RALGAPA2: variants seen among roughly 807,000 people sequenced by gnomAD.
RALGAPA2 encodes Ral GTPase activating protein catalytic subunit alpha 2.
A neutral mutation model predicts 230.4 loss-of-function variants in RALGAPA2; 139 were observed. The observed-to-expected ratio is 0.60, with a 90% CI of 0.53 to 0.69. RALGAPA2 has a LOEUF of 0.69. RALGAPA2 is among the 30% of genes least tolerant of loss of function. The probability of loss-of-function intolerance (pLI) is 0.00; values close to 1 mark genes in which losing one functional copy is unlikely to be tolerated. For missense variants in RALGAPA2, 2,163 were observed against 2,276.0 expected (o/e 0.95, Z 1.01); for synonymous variants, 847 against 837.8 (o/e 1.01, Z -0.19).
intron 38 of RALGAPA2, among the ~76,000 whole-genome samples, chr20:20,401,332 G>A (rs2059831651): frequency 6.6e-6 from 1 of 152,116 alleles, no homozygotes; most frequent in African/African-American, 2.4e-5. Context: ...AGGCAAGCAG[G>A]GGAATGAGGG....
At chr20:20,583,657 A>G (rs887239186) in intron 19 of RALGAPA2, among the ~76,000 whole-genome samples, 11 of 152,184 alleles carry the variant, frequency 7.2e-5, no homozygotes, top group Non-Finnish European at 7.3e-5. Context: ...CAAGCCTGAC[A>G]GGTAGACGTA....
chr20:20,618,713 G>A (rs2066228812), intron 12 of RALGAPA2, among the ~76,000 whole-genome samples: 1 of 152,152 alleles, frequency 6.6e-6, no homozygotes. Flanking sequence ...AGATCTGAGA[G>A]GAAATCTCCC....
chr20:20,398,384 G>A lies in RALGAPA2; in HGVS notation c.5618-1650C>T, dbSNP rs544802015. Among the ~76,000 whole-genome samples, 1 of 152,326 alleles carries A rather than the reference G, an allele frequency of 6.6e-6. No homozygotes were observed. Among genetic ancestry groups the A allele is most frequent in the African/African-American group, 2.4e-5 (1 of 41,572 alleles). ...GCCCCTCTCCTGTGCATCCCCAGAC[G>A]CAGCCTGGTGTGGTGTGCTGGACCA... is the stretch of plus-strand genomic sequence containing the variant. On this transcript the variant is annotated intron_variant, in intron 38 of 39. Transcript: ENST00000202677. The surrounding 1 kb of genome is among the most constrained non-coding windows in gnomAD (Gnocchi z 4.5).
At chr20:20,522,412 T>C (rs1036272028) in intron 30 of RALGAPA2, among the ~76,000 whole-genome samples, 4 of 152,200 alleles carry the variant, frequency 2.6e-5, no homozygotes, top group Non-Finnish European at 5.9e-5. Context: ...CACAACGGTT[T>C]GAATAAATCA....
intron 1 of RALGAPA2, among the ~76,000 whole-genome samples, chr20:20,695,649 G>C (rs922540570): frequency 2.0e-5 from 3 of 152,168 alleles, no homozygotes; most frequent in African/African-American, 7.2e-5. Context: ...TTGTCCTCCT[G>C]TATGTAGCTA....
chr20:20,662,073 G>C (rs1191224418), intron 3 of RALGAPA2, among the ~76,000 whole-genome samples: 1 of 152,044 alleles, frequency 6.6e-6, no homozygotes. Flanking sequence ...AGTATAATAC[G>C]GAAGACTTGA....
In RALGAPA2 at chr20:20,437,692, G is replaced by A. The variant is rs1455806016; in HGVS notation, c.5496-25544C>T. ...CCTTCAGGTCTTTGCTCAAATGCCAGCTTTTCTCAGGAGGCACTGTGATCC... is the reference window on the plus strand; with the variant it reads ...CCTTCAGGTCTTTGCTCAAATGCCAACTTTTCTCAGGAGGCACTGTGATCC... On this transcript the variant is annotated intron_variant, in intron 37 of 39. Transcript: ENST00000202677. The surrounding 1 kb of genome is among the most constrained non-coding windows in gnomAD (Gnocchi z 4.1). Among the ~76,000 whole-genome samples, 2 of 152,186 alleles carry A rather than the reference G, an allele frequency of 1.3e-5. No individual in the cohort carries two copies. The highest frequency in any genetic ancestry group is 4.8e-5 in the African/African-American group (2 of 41,446).
intron 1 of RALGAPA2, among the ~76,000 whole-genome samples, chr20:20,683,567 C>G (rs1020822093): frequency 1.3e-5 from 2 of 152,156 alleles, no homozygotes; most frequent in African/African-American, 4.8e-5. Flanking sequence ...GGATGCTACC[C>G]CCACTCCCAG....
intron 37 of RALGAPA2, among the ~76,000 whole-genome samples, chr20:20,450,135 C>A (rs777441160): frequency 3.9e-5 from 6 of 152,154 alleles, no homozygotes; most frequent in Non-Finnish European, 7.4e-5. Flanking sequence ...AAATAAATAT[C>A]TTGCTAGCAA....
intron 30 of RALGAPA2, among the ~76,000 whole-genome samples, 177 bp from the exon 31 acceptor site, chr20:20,521,277 T>A (rs2063033329): frequency 6.6e-6 from 1 of 152,172 alleles, no homozygotes; most frequent in South Asian, 2.1e-4. Flanking sequence ...TCCTTTCATA[T>A]CAATGCCAAG....
chr20:20,629,304 C>T, intron 10 of RALGAPA2, 59 bp downstream of exon 10: 1 of 1,384,860 alleles, frequency 7.2e-7, no homozygotes, highest in Non-Finnish European at 1.0e-6. Context: ...AAATCATTTC[C>T]ATTTCAAGAA....
intron 2 of RALGAPA2, among the ~76,000 whole-genome samples, chr20:20,680,228 T>C (rs1345435891): frequency 6.6e-6 from 1 of 152,348 alleles, no homozygotes; most frequent in East Asian, 1.9e-4. Flanking sequence ...TGTGACCTTG[T>C]TGGTTTGATT....
In RALGAPA2 at chr20:20,510,243, C is replaced by G. The variant is rs143633938; in HGVS notation, c.4928+1011G>C. 5.3e-3 allele frequency among the ~76,000 whole-genome samples: 804 copies of G among 152,222 alleles called. 6 individuals are homozygous for G. The highest frequency in any genetic ancestry group is 0.018 in the African/African-American group (767 of 41,526). On this transcript the variant is annotated intron_variant, in intron 33 of 39. Transcript: ENST00000202677. ...AGGATTTAATGAATGGAATAAAGAGCTCTAGTAATTTTCTGAAATTCTAAG... is the reference window on the plus strand; with the variant it reads ...AGGATTTAATGAATGGAATAAAGAGGTCTAGTAATTTTCTGAAATTCTAAG...
At chr20:20,624,328 C>CAA (rs748683871) in intron 10 of RALGAPA2, among the ~76,000 whole-genome samples, 4,296 of 48,928 alleles carry the variant, frequency 0.088, 129 homozygotes, top group East Asian at 0.23. Flanking sequence ...ACTCCATCTC[C>CAA]AAAAAAAAAA....
chr20:20,408,158 A>G (rs965634964), intron 38 of RALGAPA2, among the ~76,000 whole-genome samples: 2 of 152,238 alleles, frequency 1.3e-5, no homozygotes, highest in Non-Finnish European at 2.9e-5. Context: ...TTCAGCAAAC[A>G]CAAGTCAGTT....
intron 18 of RALGAPA2, among the ~76,000 whole-genome samples, chr20:20,587,053 A>G (rs1377363680): frequency 6.6e-6 from 1 of 152,194 alleles, no homozygotes; most frequent in African/African-American, 2.4e-5. Context: ...GAAGACAAGC[A>G]CTTACAGATG....
chr20:20,646,415 T>C (rs145122664), intron 4 of RALGAPA2, among the ~76,000 whole-genome samples: 2 of 152,310 alleles, frequency 1.3e-5, no homozygotes, highest in South Asian at 2.1e-4. Context: ...AATTTTTAAG[T>C]TCCTCTATAT....
rs773922641 is a variant in RALGAPA2 at position 20,629,472 on chromosome 20, G to C, written c.1124C>G (p.Ser375Cys). 3.7e-6 allele frequency: 6 copies of C among 1,613,812 alleles called. No individual in the cohort carries two copies. In the African/African-American group the frequency reaches 8.0e-5, roughly 22 times the overall value. Residue 375 changes from serine (S) to cysteine (C), a missense_variant, in exon 10 of 40, where the codon TCC (serine) becomes TGC (cysteine). Physicochemically the swap from Ser to Cys is moderately radical, Grantham distance 112. Coordinates refer to ENST00000202677, the MANE Select transcript of RALGAPA2 (RefSeq NM_020343.4). ...STLSDRRLSN[S>C]SLCSIEEEHR... ...CTCTTCTTCAATGCTACAGAGGCTGGAGTTGCTGAGTCTTCGGTCCGACAA... is the reference window on the plus strand; with the variant it reads ...CTCTTCTTCAATGCTACAGAGGCTGCAGTTGCTGAGTCTTCGGTCCGACAA...
intron 37 of RALGAPA2, among the ~76,000 whole-genome samples, chr20:20,447,846 C>T (rs1289473750): frequency 6.6e-6 from 1 of 152,120 alleles, no homozygotes; most frequent in Non-Finnish European, 1.5e-5. Flanking sequence ...GGATCTCTGC[C>T]CCGCATCCTC....
Sources: allele counts gnomAD v4.1 joint callset (sites outside exome capture counted in the v4.1 genomes callset), GRCh38; gene constraint gnomAD v4.1.1; non-coding constraint Gnocchi (gnomAD v3.1); transcripts MANE v1.5; gene names NCBI Gene and HGNC (gene_info 2026-07-23, HGNC 2026-07-21).